MYO18B: variants seen among roughly 807,000 people sequenced by gnomAD.
MYO18B encodes the protein myosin XVIIIB, also known as unconventional myosin-XVIIIb.
In MYO18B, 204 loss-of-function variants were observed where a neutral mutation model predicts 273.0. The ratio of observed to expected loss-of-function variants is 0.75; its 90% CI spans 0.67 to 0.84. The LOEUF is 0.84. MYO18B is among the 40% of genes least tolerant of loss of function. The probability of loss-of-function intolerance (pLI) is 0.00; values close to 1 mark genes in which losing one functional copy is unlikely to be tolerated. For synonymous variants in MYO18B, 1,330 were observed against 1,305.7 expected (o/e 1.02, Z -0.40); for missense variants, 3,212 against 3,287.6 (o/e 0.98, Z 0.56).
At chr22:25,852,640 C>A (rs934908097) in intron 21 of MYO18B, among the ~76,000 whole-genome samples, 2 of 152,216 alleles carry the variant, frequency 1.3e-5, no homozygotes, top group South Asian at 4.1e-4. Flanking sequence ...CTATTACACT[C>A]CATTTACAAA....
intron 25 of MYO18B, among the ~76,000 whole-genome samples, chr22:25,880,533 T>C (rs1481441711): frequency 6.6e-6 from 1 of 152,248 alleles, no homozygotes; most frequent in Admixed American, 6.5e-5. Context: ...GTCTCAGCTC[T>C]GTTTGTCCAT....
intron 3 of MYO18B, among the ~76,000 whole-genome samples, chr22:25,765,299 T>TAAATTA (rs1454942940): frequency 6.6e-6 from 1 of 152,226 alleles, no homozygotes; most frequent in African/African-American, 2.4e-5. Context: ...GCCAATTTAA[T>TAAATTA]TTTCTTGTCC....
intron 12 of MYO18B, among the ~76,000 whole-genome samples, chr22:25,811,892 G>A (rs5752222): frequency 0.36 from 54,135 of 152,064 alleles, 10,195 homozygotes; most frequent in African/African-American, 0.49. Flanking sequence ...GGTGTGTCCA[G>A]TGTTCAACAT....
chr22:25,880,542 A>G (rs1226192912), intron 25 of MYO18B, among the ~76,000 whole-genome samples: 2 of 152,194 alleles, frequency 1.3e-5, no homozygotes, highest in African/African-American at 2.4e-5. Flanking sequence ...CTGTTTGTCC[A>G]TGAAGCTCTG....
chr22:25,917,545 G>GGGGTGTGTGTGTGTGTGTGTGTGT (rs1555944183), intron 33 of MYO18B, among the ~76,000 whole-genome samples: 1 of 142,152 alleles, frequency 7.0e-6, no homozygotes, highest in East Asian at 2.0e-4. Flanking sequence ...GCTTTGTAGG[G>GGGGTGTGTGTGTGTGTGTGTGTGT]GTGTGTGTGT....
At chr22:26,032,287 C>T (rs572343964), downstream of MYO18B, among the ~76,000 whole-genome samples, 8 of 152,230 alleles carry the variant, frequency 5.3e-5, no homozygotes, top group African/African-American at 1.9e-4. Context: ...AATTTATTTC[C>T]TCATGTTTCT....
At chr22:25,791,635 G>A (rs1028036315) in intron 11 of MYO18B, among the ~76,000 whole-genome samples, 8 of 152,114 alleles carry the variant, frequency 5.3e-5, no homozygotes, top group Non-Finnish European at 1.0e-4. Flanking sequence ...CCCAGCAGCA[G>A]TGGTAATAAT....
intron 1 of MYO18B, among the ~76,000 whole-genome samples, chr22:25,743,149 G>A (rs1312010870): frequency 5.3e-5 from 8 of 152,230 alleles, no homozygotes; most frequent in Admixed American, 3.9e-4. Flanking sequence ...GCCTCAACCC[G>A]CAAGTGTGGG....
intron 13 of MYO18B, among the ~76,000 whole-genome samples, chr22:25,826,144 T>C (rs1243248501): frequency 6.6e-6 from 1 of 152,174 alleles, no homozygotes; most frequent in Non-Finnish European, 1.5e-5. Context: ...AAGGCTTTCC[T>C]GAGGAGGTGT....
At chr22:25,782,220 T>A (rs141951157) in intron 10 of MYO18B, among the ~76,000 whole-genome samples, 266 of 152,368 alleles carry the variant, frequency 1.7e-3, no homozygotes, top group African/African-American at 6.0e-3. Flanking sequence ...ATAATTTACA[T>A]TCAGCTCTTT....
At chr22:25,880,689 G>C (rs1397233172) in intron 25 of MYO18B, among the ~76,000 whole-genome samples, 1 of 152,218 alleles carries the variant, frequency 6.6e-6, no homozygotes, top group Non-Finnish European at 1.5e-5. Context: ...GAAAGTCCCT[G>C]TCCTTACACA....
At chr22:25,961,987 T>A (rs2092922944) in intron 39 of MYO18B, among the ~76,000 whole-genome samples, 1 of 152,200 alleles carries the variant, frequency 6.6e-6, no homozygotes, top group Non-Finnish European at 1.5e-5. Flanking sequence ...TCCCTTTGTG[T>A]CATGAGTGGA....
chr22:25,911,090 C>T (rs1386360911), intron 33 of MYO18B, 40 bp downstream of exon 33: 1 of 1,463,306 alleles, frequency 6.8e-7, no homozygotes. Flanking sequence ...AGGAGTATCT[C>T]AGGGACCTAT....
At chr22:26,039,057 G>A in the MYO18B span, among the ~76,000 whole-genome samples, 4 of 152,144 alleles carry the variant, frequency 2.6e-5, no homozygotes, top group Non-Finnish European at 5.9e-5. Flanking sequence ...GAAGCATCAA[G>A]CAAGGGAGAA....
At chr22:25,935,997 C>T (rs902948373) in intron 34 of MYO18B, among the ~76,000 whole-genome samples, 11 of 152,276 alleles carry the variant, frequency 7.2e-5, no homozygotes, top group Non-Finnish European at 1.5e-4. Context: ...TCTCAGTACA[C>T]GACATGTGTC....
intron 34 of MYO18B, among the ~76,000 whole-genome samples, chr22:25,929,868 G>C (rs1475250544): frequency 6.6e-6 from 1 of 152,132 alleles, no homozygotes; most frequent in Non-Finnish European, 1.5e-5. Context: ...CTGATCTTTG[G>C]AGAGAGAATT....
At chr22:25,785,730 T>C (rs757660156) in intron 11 of MYO18B, among the ~76,000 whole-genome samples, 6 of 152,156 alleles carry the variant, frequency 3.9e-5, no homozygotes, top group Non-Finnish European at 5.9e-5. Flanking sequence ...GGCCCTGGAA[T>C]CAGTCTAGTT....
intron 11 of MYO18B, among the ~76,000 whole-genome samples, chr22:25,790,405 G>A (rs1273729346): frequency 2.6e-5 from 4 of 152,206 alleles, no homozygotes; most frequent in East Asian, 3.9e-4. Flanking sequence ...TACCATCTCC[G>A]ACTCCCAAAC....
At chr22:25,960,565 A>G (rs1305115417) in intron 39 of MYO18B, among the ~76,000 whole-genome samples, 1 of 151,902 alleles carries the variant, frequency 6.6e-6, no homozygotes, top group Non-Finnish European at 1.5e-5. Flanking sequence ...GCTTCTGCTC[A>G]CTCTTCCTGC....
Sources: gnomAD v4.1 joint callset for allele counts (sites outside exome capture counted in the v4.1 genomes callset) on GRCh38, gnomAD v4.1.1 for gene constraint, MANE v1.5 for transcripts, NCBI Gene and HGNC (gene_info 2026-07-23, HGNC 2026-07-21) for gene names.